SASH1: variants seen among roughly 807,000 people sequenced by gnomAD.
SASH1 encodes the protein SAM and SH3 domain-containing protein 1.
Under a neutral mutation model 125.2 loss-of-function variants are expected in SASH1, and 44 were observed. The ratio of observed to expected loss-of-function variants is 0.35; its 90% CI spans 0.28 to 0.45. The LOEUF (loss-of-function observed/expected upper bound fraction) is 0.45, where lower values mean the gene tolerates loss of function less well. Among genes scored for constraint, SASH1 ranks in the 20% least tolerant of loss-of-function variants. The probability of loss-of-function intolerance (pLI) is 1.00; values close to 1 mark genes in which losing one functional copy is unlikely to be tolerated. For missense variants in SASH1, 1,426 were observed against 1,614.5 expected (o/e 0.88, Z 2.00); for synonymous variants, 639 against 649.1 (o/e 0.98, Z 0.24).
the SASH1 span, among the ~76,000 whole-genome samples, chr6:148,251,070 A>G: frequency 8.5e-5 from 13 of 152,336 alleles, no homozygotes; most frequent in East Asian, 2.3e-3. Flanking sequence ...AAGGGAAGAA[A>G]AAAAGACCAA....
chr6:148,311,175 C>T (rs1169556136), intron 1 of SASH1, among the ~76,000 whole-genome samples: 2 of 151,336 alleles, frequency 1.3e-5, no homozygotes, highest in Non-Finnish European at 2.9e-5. Context: ...GGCATGGTCT[C>T]GGCTCACTGC....
intron 1 of SASH1, among the ~76,000 whole-genome samples, chr6:148,319,022 C>CTTT (rs10695657): frequency 0.038 from 2,514 of 66,604 alleles, 612 homozygotes; most frequent in Middle Eastern, 0.061. Flanking sequence ...CATTTATCTT[C>CTTT]TTTTTTTTTT....
At chr6:148,530,667 T>A (rs1010139643) in intron 12 of SASH1, among the ~76,000 whole-genome samples, 1 of 152,248 alleles carries the variant, frequency 6.6e-6, no homozygotes, top group Non-Finnish European at 1.5e-5. Flanking sequence ...CGGCCATATG[T>A]AATATGCCAG....
rs188745587 is a variant in SASH1 at position 148,330,937 on chromosome 6, G to A, written n.74+58560G>A. Among the ~76,000 whole-genome samples the A allele has an allele frequency of 2.6e-5, 4 of 152,288 alleles. No individual in the cohort carries two copies. The East Asian group carries it at 5.8e-4, about 22-fold the overall frequency. On this transcript the variant is annotated intron_variant and non_coding_transcript_variant, in intron 1 of 3. Coordinates refer to the SASH1 transcript ENST00000367469. Reference sequence around the variant, plus strand: ...GCAAAAAAGAGAAATAGCAGGAAGTGTGATTCTAAAGATCATTTCCCTCAG... The same window carrying A: ...GCAAAAAAGAGAAATAGCAGGAAGTATGATTCTAAAGATCATTTCCCTCAG...
At chr6:148,223,066 A>T in the SASH1 span, among the ~76,000 whole-genome samples, 1 of 152,216 alleles carries the variant, frequency 6.6e-6, no homozygotes, top group African/African-American at 2.4e-5. Context: ...CGGCCAAGGC[A>T]AACAAAGGAT....
intron 6 of SASH1, among the ~76,000 whole-genome samples, chr6:148,472,043 T>C (rs1203467085): frequency 2.0e-5 from 3 of 152,244 alleles, no homozygotes; most frequent in Non-Finnish European, 4.4e-5. Context: ...TGTCTTTTGT[T>C]GTTGTTTATA....
intron 9 of SASH1, among the ~76,000 whole-genome samples, chr6:148,516,792 C>T (rs1780469438): frequency 6.6e-6 from 1 of 152,118 alleles, no homozygotes; most frequent in African/African-American, 2.4e-5. Context: ...GAAGGCCCAG[C>T]ACGATGTCCA....
chr6:148,536,586 C>T (rs1435138749), intron 16 of SASH1, among the ~76,000 whole-genome samples: 3 of 152,164 alleles, frequency 2.0e-5, no homozygotes, highest in African/African-American at 7.2e-5. Flanking sequence ...GTGATCCGCC[C>T]ACCTCGGCCT....
In SASH1 at chr6:148,487,691, G is replaced by A. The variant is rs764744380; in HGVS notation, c.705G>A (p.Thr235=). 1.9e-5 allele frequency: 30 copies of A among 1,612,900 alleles called. No homozygotes were observed. Among genetic ancestry groups the A allele is most frequent in the Non-Finnish European group, 2.5e-5 (30 of 1,179,254 alleles). ...ACTGGCCAGATGGTTCTTACCCAAC[G>A]TTTGATGGCTCATCAAACTGCAATG... ...PADWPDGSYP[T]FDGSSNCNSR... Residue 235 remains threonine, a synonymous_variant, in exon 8 of 20, where the codon ACG becomes ACA. Transcript: ENST00000367467.
At chr6:148,260,478 C>T in the SASH1 span, among the ~76,000 whole-genome samples, 3 of 151,862 alleles carry the variant, frequency 2.0e-5, no homozygotes, top group African/African-American at 7.2e-5. Flanking sequence ...TATGGTAGAA[C>T]AGCCTGTAGT....
the SASH1 span, among the ~76,000 whole-genome samples, chr6:148,264,158 G>A: frequency 0.029 from 2,870 of 100,340 alleles, 95 homozygotes; most frequent in African/African-American, 0.11. Flanking sequence ...AAAGGACTCT[G>A]TTATCTTTTA....
intron 1 of SASH1, among the ~76,000 whole-genome samples, chr6:148,330,403 G>A (rs1396694008): frequency 6.6e-6 from 1 of 152,150 alleles, no homozygotes; most frequent in African/African-American, 2.4e-5. Flanking sequence ...CCATAACCAT[G>A]TTTAAGAGCA....
At chr6:148,507,104 T>C (rs74837920) in intron 8 of SASH1, among the ~76,000 whole-genome samples, 9,330 of 151,998 alleles carry the variant, frequency 0.061, 386 homozygotes, top group Non-Finnish European at 0.089. Flanking sequence ...AGGGAAGGTG[T>C]GGTGAACCCT....
intron 1 of SASH1, among the ~76,000 whole-genome samples, chr6:148,276,029 C>A (rs1779173970): frequency 6.6e-6 from 1 of 152,168 alleles, no homozygotes; most frequent in Non-Finnish European, 1.5e-5. Context: ...CCTACTTCTA[C>A]TTTTTTGTGT....
chr6:148,369,518 G>A (rs192905489), intron 1 of SASH1, among the ~76,000 whole-genome samples: 6 of 152,270 alleles, frequency 3.9e-5, no homozygotes, highest in Admixed American at 3.9e-4. Context: ...CATGGATTAT[G>A]TCTTTATTTG....
At chr6:148,542,527 C>T (rs537905742) in intron 17 of SASH1, among the ~76,000 whole-genome samples, 14 of 152,306 alleles carry the variant, frequency 9.2e-5, no homozygotes, top group African/African-American at 3.4e-4. Flanking sequence ...GCTGGGACTA[C>T]AGGCGCCTGC....
rs562184340 is a variant in SASH1 at position 148,497,492 on chromosome 6, T to C, written c.729+9777T>C. On this transcript the variant is annotated intron_variant, in intron 8 of 19. Coordinates refer to ENST00000367467, the MANE Select transcript of SASH1 (RefSeq NM_015278.5). The stretch of plus-strand genomic sequence containing the variant: ...GTTAAGCTCAGACTTGAGTCAGACC[T>C]GGGGCTCAGATCCAAATCTCCCACC... 2.6e-5 allele frequency among the ~76,000 whole-genome samples: 4 copies of C among 152,376 alleles called. No individual in the cohort carries two copies. The South Asian group carries it at 8.3e-4, about 32-fold the overall frequency.
intron 1 of SASH1, among the ~76,000 whole-genome samples, chr6:148,317,714 G>C (rs982455804): frequency 6.6e-6 from 1 of 152,086 alleles, no homozygotes; most frequent in Non-Finnish European, 1.5e-5. Context: ...CGTGAGCCAC[G>C]GCGCCCGGCC....
intron 4 of SASH1, among the ~76,000 whole-genome samples, chr6:148,462,238 T>A (rs531901967): frequency 3.9e-5 from 6 of 152,234 alleles, no homozygotes; most frequent in African/African-American, 1.4e-4. Context: ...CAGTAACATA[T>A]AGCATATGTT....
Sources: allele counts gnomAD v4.1 joint callset (sites outside exome capture counted in the v4.1 genomes callset), GRCh38; gene constraint gnomAD v4.1.1; transcripts MANE v1.5; gene names NCBI Gene and HGNC (gene_info 2026-07-23, HGNC 2026-07-21).